The following WBP11 variants were observed in gnomAD, a reference collection of about 807,000 sequenced individuals.
WBP11 encodes WW domain-binding protein 11.
Under a neutral mutation model 66.7 loss-of-function variants are expected in WBP11, and 12 were observed. The observed-to-expected ratio is 0.18, with a 90% confidence interval of 0.12 to 0.29. The LOEUF (loss-of-function observed/expected upper bound fraction) is 0.29. Among genes scored for constraint, WBP11 ranks in the 10% least tolerant of loss-of-function variants. The pLI, the probability that WBP11 is intolerant of heterozygous loss-of-function variation, is 1.00. For missense variants in WBP11, 555 were observed against 818.3 expected, an observed-to-expected ratio of 0.68 and a Z score of 3.93; for synonymous variants, 255 against 273.8, an observed-to-expected ratio of 0.93 and a Z score of 0.68.
Position 14,791,209 on chromosome 12 carries a change from C to T in WBP11, c.975G>A (p.Lys325=). The T allele has an allele frequency of 1.2e-6, 2 of 1,614,116 alleles. No individual in the cohort carries two copies. The highest frequency in any genetic ancestry group is 1.7e-6 in the Non-Finnish European group (2 of 1,180,002). Residue 325 remains lysine, a synonymous_variant, in exon 9 of 12, where the codon AAG becomes AAA. Coordinates refer to ENST00000261167, the MANE Select transcript of WBP11 (RefSeq NM_016312.3). ...GKSRKKKKNM[K]ELTPLQAMML... The stretch of plus-strand genomic sequence containing the variant: ...TCATGGCTTGAAGAGGAGTCAGTTC[C>T]TTCATGTTCTTCTTTTTCTTCCTTG...
chr12:14,792,503 C>T (rs1260264655), intron 8 of WBP11, among the ~76,000 whole-genome samples: 12 of 131,270 alleles, frequency 9.1e-5, no homozygotes, highest in African/African-American at 1.6e-4. Context: ...AGAGTTGGGA[C>T]GGCCATTTTC....
intron 7 of WBP11, 32 bp from the exon 8 acceptor site, chr12:14,793,954 GT>G: frequency 6.6e-7 from 1 of 1,513,674 alleles, no homozygotes; most frequent in Non-Finnish European, 8.9e-7. Context: ...TGGAGAAGTA[GT>G]ATGATTGGAC....
At chr12:14,800,288 TAAGAG>T (rs1259089516) in intron 3 of WBP11, among the ~76,000 whole-genome samples, 1 of 151,974 alleles carries the variant, frequency 6.6e-6, no homozygotes, top group African/African-American at 2.4e-5. Flanking sequence ...ATTCAACAGC[TAAGAG>T]GAGAATGCTA....
At chr12:14,799,851 A>G (rs928107111) in intron 3 of WBP11, 123 bp from the exon 4 acceptor site, 1 of 844,424 alleles carries the variant, frequency 1.2e-6, no homozygotes, top group Non-Finnish European at 1.7e-6. Context: ...ACCACCAGAA[A>G]CAGCTATGTA....
chr12:14,801,006 T>C (rs988735846), intron 2 of WBP11: 8 of 483,656 alleles, frequency 1.7e-5, no homozygotes, highest in African/African-American at 1.4e-4. Flanking sequence ...AAAACAACTA[T>C]GAATCTGAAG....
In WBP11 at chr12:14,790,443, T is replaced by C; in HGVS notation, c.1309+13A>G. The C allele has an allele frequency of 6.2e-7, 1 of 1,612,764 alleles. No individual in the cohort carries two copies. Among genetic ancestry groups the C allele is most frequent in the Non-Finnish European group, 8.5e-7 (1 of 1,179,272 alleles). On this transcript the variant is annotated intron_variant, in intron 10 of 11. Coordinates refer to ENST00000261167, the MANE Select transcript of WBP11 (RefSeq NM_016312.3). ...CCTCATTTAAACTTTATTCACATTA[T>C]GTAAGTGTTTACCTGGAGGTGGACC...
chr12:14,801,354 C>T lies in WBP11; in HGVS notation c.30G>A (p.Lys10=). Residue 10 remains lysine, a synonymous_variant, in exon 2 of 12, where the codon AAG becomes AAA. Transcript: ENST00000261167. The stretch of plus-strand genomic sequence containing the variant: ...CTGTGGGGTTCATAAATTTTCCACT[C>T]TTGGTGGATGATGTAGATCTCCGTC... MGRRSTSST[K]SGKFMNPTDQ... 1 of 1,613,414 alleles carries T rather than the reference C, an allele frequency of 6.2e-7. No individual in the cohort carries two copies. The highest frequency in any genetic ancestry group is 8.5e-7 in the Non-Finnish European group (1 of 1,179,640).
intron 11 of WBP11, among the ~76,000 whole-genome samples, chr12:14,788,435 T>C (rs1949780860): frequency 6.6e-6 from 1 of 152,094 alleles, no homozygotes; most frequent in African/African-American, 2.4e-5. Flanking sequence ...TAAGATCCTA[T>C]TGATTACAAA....
intron 4 of WBP11, among the ~76,000 whole-genome samples, chr12:14,797,579 G>A (rs759770796): frequency 6.6e-6 from 1 of 152,140 alleles, no homozygotes; most frequent in Non-Finnish European, 1.5e-5. Flanking sequence ...CTTAACTGCA[G>A]GTCCTCTATC....
In WBP11 at chr12:14,789,409, C is replaced by T. The variant is rs537564542; in HGVS notation, c.1310-276G>A. ...ACCATCCTGGCCAAGATGGTGAAAC[C>T]CCATCTCTACTAAAAATACATAAAA... is the stretch of plus-strand genomic sequence containing the variant. On this transcript the variant is annotated intron_variant, in intron 10 of 11. Coordinates refer to ENST00000261167, the MANE Select transcript of WBP11 (RefSeq NM_016312.3). Among the ~76,000 whole-genome samples the T allele has an allele frequency of 6.6e-5, 10 of 152,076 alleles. No individual in the cohort carries two copies. The East Asian group carries it at 1.9e-3, about 29-fold the overall frequency.
At chr12:14,798,438 T>C (rs930995338) in intron 4 of WBP11, among the ~76,000 whole-genome samples, 29 of 152,208 alleles carry the variant, frequency 1.9e-4, no homozygotes, top group African/African-American at 7.0e-4. Flanking sequence ...CAGTTATTCC[T>C]ATTATCTCCT....
At chr12:14,795,145 T>C in intron 5 of WBP11, 41 bp from the exon 6 acceptor site, 2 of 1,508,344 alleles carry the variant, frequency 1.3e-6, no homozygotes, top group South Asian at 1.3e-5. Context: ...AAAAAAGTCA[T>C]CTACTAACTA....
At chr12:14,788,349 C>G (rs1949779535) in intron 11 of WBP11, among the ~76,000 whole-genome samples, 1 of 152,132 alleles carries the variant, frequency 6.6e-6, no homozygotes, top group African/African-American at 2.4e-5. Flanking sequence ...ACACAATATT[C>G]ATATACCAAG....
At chr12:14,799,135 C>T (rs1329532549) in intron 4 of WBP11, among the ~76,000 whole-genome samples, 1 of 151,970 alleles carries the variant, frequency 6.6e-6, no homozygotes, top group Non-Finnish European at 1.5e-5. Context: ...GCAGAGAATC[C>T]TGGTATAGTA....
intron 2 of WBP11, 97 bp downstream of exon 2, chr12:14,801,223 G>T: frequency 2.4e-6 from 3 of 1,228,072 alleles, no homozygotes; most frequent in South Asian, 1.2e-5. Context: ...TCCTATCACT[G>T]CTGGTCTTGT....
chr12:14,800,772 G>T lies in WBP11; in HGVS notation c.76C>A (p.Arg26=). The T allele has an allele frequency of 6.2e-7, 1 of 1,604,548 alleles. No homozygotes were observed. Among genetic ancestry groups the T allele is most frequent in the Non-Finnish European group, 8.5e-7 (1 of 1,175,354 alleles). Residue 26 remains arginine, a synonymous_variant, in exon 3 of 12, where the codon CGG becomes AGG. Coordinates refer to ENST00000261167, the MANE Select transcript of WBP11 (RefSeq NM_016312.3). ...NPTDQARKEA[R]KRELKKNKKQ... is the part of the protein sequence containing the mutation. ...CATACCTTCTTTAATTCTCTCTTCC[G>T]GGCTTCCTTTCCTTTAAAAGGAGAG...
chr12:14,794,782 C>T, intron 6 of WBP11, 46 bp from the exon 7 acceptor site: 1 of 1,533,250 alleles, frequency 6.5e-7, no homozygotes. Flanking sequence ...ACAGTAATCA[C>T]TTAACAGTAA....
Position 14,788,936 on chromosome 12 carries a change from A to T in WBP11, c.1492+15T>A. On this transcript the variant is annotated intron_variant, in intron 11 of 11. Coordinates refer to ENST00000261167, the MANE Select transcript of WBP11 (RefSeq NM_016312.3). ...CAGCAGGCTAAGTTTTTATTATAGA[A>T]ATTGAAAGCATCACCTGGAGGTGCA... The T allele has an allele frequency of 2.2e-6, 3 of 1,392,628 alleles. No individual in the cohort carries two copies. Among genetic ancestry groups the T allele is most frequent in the East Asian group, 5.6e-5 (2 of 35,768 alleles). 86.3% of individuals were successfully genotyped at this position (1,392,628 alleles called of 1,614,324 possible).
At position 14,794,675 on chromosome 12, in the gene WBP11, G is replaced by A. The variant is rs776844236; in HGVS notation, c.583C>T (p.Pro195Ser). 2.5e-6 allele frequency: 4 copies of A among 1,611,324 alleles called. No individual in the cohort carries two copies. In the Admixed American group the frequency reaches 5.0e-5, roughly 20 times the overall value. ...GGAGGGCCAGGAGGTTTTCTGCCAG[G>A]GGGCAAACGTGGAACACCATGTCCA... Reference protein sequence around the residue: ...LLGHGVPRLPPGRKPPGPPPG... With the variant: ...LLGHGVPRLPSGRKPPGPPPG... Residue 195 changes from proline to serine, a missense_variant, in exon 7 of 12, where the codon CCT becomes TCT. Pro to Ser is a moderately conservative substitution (Grantham distance 74). Coordinates refer to ENST00000261167, the MANE Select transcript of WBP11 (RefSeq NM_016312.3).
Sources: gnomAD v4.1 joint callset for allele counts (sites outside exome capture counted in the v4.1 genomes callset) on GRCh38, gnomAD v4.1.1 for gene constraint, MANE v1.5 for transcripts, NCBI Gene and HGNC (gene_info 2026-07-23, HGNC 2026-07-21) for gene names.